Variants in ZFPM2 observed in about 807,000 individuals in gnomAD.
The protein encoded by ZFPM2 is zinc finger protein ZFPM2.
In ZFPM2, 20 loss-of-function variants were observed where a neutral mutation model predicts 98.6. The ratio of observed to expected loss-of-function variants is 0.20; its 90% CI spans 0.14 to 0.29. ZFPM2 has a LOEUF of 0.29. Among genes scored for constraint, ZFPM2 ranks in the 10% least tolerant of loss-of-function variants. ZFPM2 has a pLI of 1.00. For synonymous variants in ZFPM2, 518 were observed against 502.7 expected, an observed-to-expected ratio of 1.03 and a Z score of -0.41; for missense variants, 1,310 against 1,388.6, an observed-to-expected ratio of 0.94 and a Z score of 0.90.
chr8:105,361,834 CT>C (rs1252486529), intron 1 of ZFPM2, among the ~76,000 whole-genome samples: 1 of 151,030 alleles, frequency 6.6e-6, no homozygotes, highest in Non-Finnish European at 1.5e-5. Context: ...TTTACTGTAC[CT>C]TTTTTATGTT....
At chr8:105,756,300 C>A (rs1812595913) in intron 5 of ZFPM2, among the ~76,000 whole-genome samples, 1 of 152,336 alleles carries the variant, frequency 6.6e-6, no homozygotes, top group South Asian at 2.1e-4. Context: ...ATTGCTTCCA[C>A]AGACTTCTCA....
chr8:105,654,186 C>T (rs892824472), intron 5 of ZFPM2, among the ~76,000 whole-genome samples: 1 of 151,522 alleles, frequency 6.6e-6, no homozygotes, highest in African/African-American at 2.4e-5. Context: ...TGTCATCCTT[C>T]CTGCGAAGTA....
chr8:105,341,244 A>G (rs1044779673), intron 1 of ZFPM2, among the ~76,000 whole-genome samples: 1 of 151,950 alleles, frequency 6.6e-6, no homozygotes, highest in Non-Finnish European at 1.5e-5. Context: ...CAGGAAACTC[A>G]GTCCAATGCA....
chr8:105,365,606 T>C (rs1810490738), intron 1 of ZFPM2, among the ~76,000 whole-genome samples: 1 of 152,188 alleles, frequency 6.6e-6, no homozygotes, highest in Non-Finnish European at 1.5e-5. Flanking sequence ...CAGCAGTTAG[T>C]TAGCATCAGT....
At chr8:105,618,046 T>C (rs561534305) in intron 4 of ZFPM2, among the ~76,000 whole-genome samples, 5 of 152,226 alleles carry the variant, frequency 3.3e-5, no homozygotes, top group African/African-American at 1.2e-4. Flanking sequence ...CCACAAAAGC[T>C]ATAAATTTCA....
intron 5 of ZFPM2, among the ~76,000 whole-genome samples, chr8:105,704,264 A>G (rs557881838): frequency 5.3e-5 from 8 of 152,268 alleles, no homozygotes; most frequent in Non-Finnish European, 1.0e-4. Context: ...CCCTTTACAT[A>G]TATTGGACTA....
chr8:105,796,101 A>T (rs2131161235), intron 6 of ZFPM2, among the ~76,000 whole-genome samples: 1 of 152,334 alleles, frequency 6.6e-6, no homozygotes, highest in South Asian at 2.1e-4. Context: ...TCAATCAATG[A>T]TATAGTACTT....
intron 1 of ZFPM2, among the ~76,000 whole-genome samples, chr8:105,412,357 T>A (rs1188096340): frequency 2.0e-5 from 3 of 151,774 alleles, no homozygotes; most frequent in African/African-American, 7.3e-5. Flanking sequence ...ATTCAGGTAA[T>A]TTCCTTCAAC....
At chr8:105,450,704 GTA>G (rs1207632274) in intron 3 of ZFPM2, among the ~76,000 whole-genome samples, 1 of 152,074 alleles carries the variant, frequency 6.6e-6, no homozygotes, top group African/African-American at 2.4e-5. Context: ...GAATGTGTGT[GTA>G]TGTGTGTGTG....
intron 5 of ZFPM2, among the ~76,000 whole-genome samples, chr8:105,715,539 A>G (rs1811505284): frequency 6.6e-6 from 1 of 152,068 alleles, no homozygotes. Context: ...TGTGCTACAT[A>G]TAATTTATAT....
At position 105,704,625 on chromosome 8, in the gene ZFPM2, TGTGTTGCATTTAATTATGGAAG is replaced by T. The variant is rs1811215419; in HGVS notation, c.532+70270_532+70291del. On this transcript the variant is annotated intron_variant, in intron 5 of 7. Coordinates refer to ENST00000407775, the MANE Select transcript of ZFPM2 (RefSeq NM_012082.4). Reference sequence around the variant, plus strand: ...TGATAGAAAGAAAATAAGTAGCGGGTGTGTTGCATTTAATTATGGAAGGCTGCAAGATTCCAATGACATATTT... The same window carrying T: ...TGATAGAAAGAAAATAAGTAGCGGGTGCTGCAAGATTCCAATGACATATTT... Among the ~76,000 whole-genome samples, 3 of 152,312 alleles carry T rather than the reference TGTGTTGCATTTAATTATGGAAG, an allele frequency of 2.0e-5. No individual in the cohort carries two copies. The South Asian group carries it at 6.2e-4, about 32-fold the overall frequency.
At chr8:105,423,542 G>A (rs1586361808) in intron 2 of ZFPM2, among the ~76,000 whole-genome samples, 1 of 152,172 alleles carries the variant, frequency 6.6e-6, no homozygotes, top group Admixed American at 6.5e-5. Context: ...AAGAAAACAA[G>A]CAAAATTATT....
At chr8:105,552,520 A>G (rs142008515) in intron 3 of ZFPM2, among the ~76,000 whole-genome samples, 1 of 151,946 alleles carries the variant, frequency 6.6e-6, no homozygotes, top group African/African-American at 2.4e-5. Context: ...GCTCCCTCCC[A>G]CTCAACTTCC....
intron 4 of ZFPM2, among the ~76,000 whole-genome samples, chr8:105,602,133 C>A (rs1429092232): frequency 6.6e-6 from 1 of 152,044 alleles, no homozygotes; most frequent in Admixed American, 6.6e-5. Flanking sequence ...TCATTGAAAA[C>A]CCTAAGGAAA....
chr8:105,748,699 T>C lies in ZFPM2; in HGVS notation c.533-40019T>C, dbSNP rs541561770. ...AATGATTTGGATTTTTGCTCCTTAA[T>C]GTAATTTTGAGGTTCTTGCTGGTTT... On this transcript the variant is annotated intron_variant, in intron 5 of 7. Coordinates refer to ENST00000407775, the MANE Select transcript of ZFPM2 (RefSeq NM_012082.4). Among the ~76,000 whole-genome samples the C allele has an allele frequency of 3.5e-4, 53 of 152,206 alleles. No individual in the cohort carries two copies. In the South Asian group the frequency reaches 0.01, roughly 30 times the overall value.
At chr8:105,467,319 A>G (rs988765010) in intron 3 of ZFPM2, among the ~76,000 whole-genome samples, 12 of 152,098 alleles carry the variant, frequency 7.9e-5, no homozygotes, top group Non-Finnish European at 1.6e-4. Context: ...CCCACAAGCA[A>G]ATGAGGATGA....
At chr8:105,405,386 C>T (rs1811426667) in intron 1 of ZFPM2, among the ~76,000 whole-genome samples, 1 of 151,260 alleles carries the variant, frequency 6.6e-6, no homozygotes, top group African/African-American at 2.4e-5. Context: ...CCCATTAACT[C>T]GTCATTTAGC....
At chr8:105,780,813 G>A (rs1195215457) in intron 5 of ZFPM2, among the ~76,000 whole-genome samples, 1 of 152,222 alleles carries the variant, frequency 6.6e-6, no homozygotes, top group Admixed American at 6.5e-5. Flanking sequence ...CTGGGAGGTG[G>A]AGGTTGCAGT....
At chr8:105,800,288 G>C (rs1250883448) in intron 7 of ZFPM2, among the ~76,000 whole-genome samples, 2 of 152,218 alleles carry the variant, frequency 1.3e-5, no homozygotes, top group East Asian at 3.9e-4. Context: ...ACCAATGGGA[G>C]CTAGAGTCAA....
Sources: allele counts gnomAD v4.1 joint callset (sites outside exome capture counted in the v4.1 genomes callset), GRCh38; gene constraint gnomAD v4.1.1; transcripts MANE v1.5; gene names NCBI Gene and HGNC (gene_info 2026-07-23, HGNC 2026-07-21).